ROBO2: variants seen among roughly 807,000 people sequenced by gnomAD.
ROBO2 encodes roundabout guidance receptor 2.
A neutral mutation model predicts 160.8 loss-of-function variants in ROBO2; 53 were observed. The observed-to-expected ratio is 0.33, with a 90% CI of 0.26 to 0.41. The LOEUF is 0.41. ROBO2 is among the 10% of genes least tolerant of loss of function. The pLI, the probability that ROBO2 is intolerant of heterozygous loss-of-function variation, is 1.00. For synonymous variants in ROBO2, 664 were observed against 611.7 expected (o/e 1.09, Z -1.26); for missense variants, 1,577 against 1,722.4 (o/e 0.92, Z 1.49).
At position 77,099,542 on chromosome 3, in the gene ROBO2, A is replaced by AAAT. The variant is rs2071614511; in HGVS notation, c.388+1204_388+1206dup. 3.3e-5 allele frequency among the ~76,000 whole-genome samples: 5 copies of AAAT among 152,330 alleles called. No individual in the cohort carries two copies. The South Asian group carries it at 1.0e-3, about 32-fold the overall frequency. ...ACAATGGGATTTTGTACTGGCCACC[A>AAAT]AATAGTTTTATTTTTATAAAATGAT... is the stretch of plus-strand genomic sequence containing the variant. On this transcript the variant is annotated intron_variant, in intron 2 of 25. Transcript: ENST00000461745.
chr3:77,075,676 T>C (rs1476869141), intron 1 of ROBO2, among the ~76,000 whole-genome samples: 3 of 126,080 alleles, frequency 2.4e-5, no homozygotes, highest in Non-Finnish European at 4.9e-5. Flanking sequence ...TTTCTCCTTT[T>C]TTTTTTTTTT....
chr3:76,094,130 G>A (rs77338845), intron 2 of ROBO2, among the ~76,000 whole-genome samples: 3,202 of 151,098 alleles, frequency 0.021, 106 homozygotes, highest in African/African-American at 0.073. Context: ...GTGCACACTC[G>A]CACTCACACA....
intron 2 of ROBO2, among the ~76,000 whole-genome samples, chr3:77,312,741 T>C (rs2063655595): frequency 6.6e-6 from 1 of 152,210 alleles, no homozygotes; most frequent in South Asian, 2.1e-4. Flanking sequence ...GTTTGCACTA[T>C]TGGTGAGTGA....
At chr3:77,284,015 A>C (rs2060416874) in intron 2 of ROBO2, among the ~76,000 whole-genome samples, 1 of 152,208 alleles carries the variant, frequency 6.6e-6, no homozygotes, top group Non-Finnish European at 1.5e-5. Flanking sequence ...TGGAATTTGC[A>C]TCACAATATT....
chr3:76,421,364 T>G (rs2108927162), intron 2 of ROBO2, among the ~76,000 whole-genome samples: 1 of 152,354 alleles, frequency 6.6e-6, no homozygotes, highest in African/African-American at 2.4e-5. Context: ...AATCGTTAAT[T>G]ATTTTTAAAA....
intron 2 of ROBO2, among the ~76,000 whole-genome samples, chr3:77,127,829 G>A (rs189470927): frequency 3.9e-5 from 6 of 152,166 alleles, no homozygotes; most frequent in Non-Finnish European, 8.8e-5. Flanking sequence ...ACACCAGTCA[G>A]TTGAGAGGTT....
intron 2 of ROBO2, among the ~76,000 whole-genome samples, chr3:76,516,187 G>A (rs924921065): frequency 5.3e-5 from 8 of 152,100 alleles, no homozygotes; most frequent in Admixed American, 3.9e-4. Flanking sequence ...GCTGATAAAT[G>A]TATGTTTCAT....
intron 2 of ROBO2, among the ~76,000 whole-genome samples, chr3:77,126,820 A>C (rs1293034409): frequency 2.6e-5 from 3 of 115,894 alleles, no homozygotes; most frequent in African/African-American, 3.5e-5. Context: ...ATGGAGTCGC[A>C]CTCTGTCTCC....
At chr3:76,413,686 C>G (rs1464155898) in intron 2 of ROBO2, among the ~76,000 whole-genome samples, 1 of 152,142 alleles carries the variant, frequency 6.6e-6, no homozygotes, top group Non-Finnish European at 1.5e-5. Context: ...ACCTTATTGT[C>G]CATATCATTA....
chr3:77,050,743 G>A (rs746914106), intron 1 of ROBO2, among the ~76,000 whole-genome samples: 43 of 150,952 alleles, frequency 2.8e-4, no homozygotes, highest in East Asian at 5.8e-4. Flanking sequence ...GCCACACAGC[G>A]TGGCTCATGC....
chr3:77,178,145 T>C (rs1429346383), intron 2 of ROBO2, among the ~76,000 whole-genome samples: 2 of 151,880 alleles, frequency 1.3e-5, no homozygotes, highest in Non-Finnish European at 2.9e-5. Flanking sequence ...AGATAAGGGG[T>C]AGAACATGCT....
chr3:76,273,669 TCATCATGAGAACTCACTCAC>T (rs1199748565), intron 2 of ROBO2, among the ~76,000 whole-genome samples: 2 of 151,942 alleles, frequency 1.3e-5, no homozygotes, highest in Non-Finnish European at 2.9e-5. Context: ...AACTCACTCA[TCATCATGAGAACTCACTCAC>T]CATCATGAGA....
At chr3:76,947,009 G>A (rs1024289790) in intron 2 of ROBO2, among the ~76,000 whole-genome samples, 4 of 152,066 alleles carry the variant, frequency 2.6e-5, no homozygotes, top group African/African-American at 4.8e-5. Flanking sequence ...TAATTGTTTC[G>A]GGTGGGAGAG....
intron 2 of ROBO2, among the ~76,000 whole-genome samples, chr3:76,761,523 A>G (rs1350254419): frequency 6.6e-6 from 1 of 151,766 alleles, no homozygotes; most frequent in African/African-American, 2.4e-5. Context: ...CAAATTGGTT[A>G]TTCCAGATAA....
intron 2 of ROBO2, among the ~76,000 whole-genome samples, chr3:77,186,166 A>G (rs1350516873): frequency 6.6e-6 from 1 of 151,858 alleles, no homozygotes; most frequent in African/African-American, 2.4e-5. Flanking sequence ...CTCTTCCCAA[A>G]TAACCTATGG....
intron 2 of ROBO2, among the ~76,000 whole-genome samples, chr3:76,948,906 ATATTTT>A (rs2078770849): frequency 2.4e-4 from 5 of 20,856 alleles, no homozygotes; most frequent in South Asian, 1.8e-3. Flanking sequence ...ATATATATAT[ATATTTT>A]TTTTTTTTTT....
chr3:76,421,398 CAAT>C (rs1163397238), intron 2 of ROBO2, among the ~76,000 whole-genome samples: 3 of 151,840 alleles, frequency 2.0e-5, no homozygotes, highest in African/African-American at 4.9e-5. Flanking sequence ...TTTTTTCCAA[CAAT>C]AATATTTTTT....
intron 2 of ROBO2, among the ~76,000 whole-genome samples, chr3:76,131,520 A>C (rs2071220418): frequency 6.6e-6 from 1 of 152,120 alleles, no homozygotes; most frequent in South Asian, 2.1e-4. Context: ...TCACAGAGCA[A>C]GAGGCTGAAC....
intron 2 of ROBO2, among the ~76,000 whole-genome samples, chr3:76,735,644 A>G (rs2093696098): frequency 6.6e-6 from 1 of 151,682 alleles, no homozygotes; most frequent in African/African-American, 2.4e-5. Flanking sequence ...CACCTGTAGT[A>G]CCAGCTACTA....
Sources: allele counts gnomAD v4.1 joint callset (sites outside exome capture counted in the v4.1 genomes callset), GRCh38; gene constraint gnomAD v4.1.1; transcripts MANE v1.5; gene names NCBI Gene and HGNC (gene_info 2026-07-23, HGNC 2026-07-21).